Variants in MIPEP observed in about 807,000 individuals in gnomAD.
MIPEP encodes mitochondrial intermediate peptidase.
In MIPEP, 79 loss-of-function variants were observed where a neutral mutation model predicts 90.3. That is an observed-to-expected ratio of 0.87 (90% CI 0.73 to 1.05). The LOEUF is 1.05. MIPEP is among the 50% of genes least tolerant of loss of function. The probability of loss-of-function intolerance (pLI) is 0.00; values close to 1 mark genes in which losing one functional copy is unlikely to be tolerated. For synonymous variants in MIPEP, 334 were observed against 315.8 expected (o/e 1.06, Z -0.61); for missense variants, 940 against 905.6 (o/e 1.04, Z -0.49).
chr13:23,818,296 T>C (rs1468753143), intron 14 of MIPEP, among the ~76,000 whole-genome samples: 1 of 151,204 alleles, frequency 6.6e-6, no homozygotes, highest in Non-Finnish European at 1.5e-5. Context: ...GGCGGGTGCC[T>C]GTAATCCCAG....
intron 10 of MIPEP, among the ~76,000 whole-genome samples, chr13:23,851,814 C>A (rs1869812538): frequency 6.6e-6 from 1 of 152,142 alleles, no homozygotes; most frequent in South Asian, 2.1e-4. Flanking sequence ...CCCACCTGAG[C>A]CTCCAAGTCG....
Position 23,814,333 on chromosome 13 carries a change from T to C in MIPEP, c.1654-4409A>G, listed in dbSNP as rs1283136993. Among the ~76,000 whole-genome samples the C allele has an allele frequency of 5.9e-5, 9 of 152,324 alleles. No homozygotes were observed. In the East Asian group the frequency reaches 1.7e-3, roughly 29 times the overall value. ...GTGCAGTGGCACAATCTCGGCCCAC[T>C]GCAAGCTCCGCCTCCCAGGTCCATG... On this transcript the variant is annotated intron_variant, in intron 14 of 18. Coordinates refer to ENST00000382172, the MANE Select transcript of MIPEP (RefSeq NM_005932.4).
chr13:23,845,447 T>C (rs1009352036), intron 10 of MIPEP, among the ~76,000 whole-genome samples: 2 of 152,220 alleles, frequency 1.3e-5, no homozygotes, highest in Non-Finnish European at 2.9e-5. Context: ...AGTTTTATTA[T>C]TGATTTTAAC....
intron 14 of MIPEP, among the ~76,000 whole-genome samples, chr13:23,836,035 T>C (rs1233654817): frequency 6.6e-6 from 1 of 152,206 alleles, no homozygotes; most frequent in East Asian, 1.9e-4. Flanking sequence ...GTAGCTATTT[T>C]TCAACACATG....
At position 23,735,024 on chromosome 13, in the gene MIPEP, C is replaced by T. The variant is rs189995461; in HGVS notation, c.2045-4579G>A. On this transcript the variant is annotated intron_variant, in intron 18 of 18. Transcript: ENST00000382172. ...GATTCCTGTGGACTTCTTGCCCTTTCCCCACATTCCTGGATACATGGACAC... is the reference window on the plus strand; with the variant it reads ...GATTCCTGTGGACTTCTTGCCCTTTTCCCACATTCCTGGATACATGGACAC... Among the ~76,000 whole-genome samples the T allele has an allele frequency of 4.9e-3, 752 of 152,310 alleles. 7 individuals are homozygous for T. The highest frequency in any genetic ancestry group is 0.018 in the African/African-American group (736 of 41,570).
rs149124917 is a variant in MIPEP at position 23,811,134 on chromosome 13, C to T, written c.1654-1210G>A. Among the ~76,000 whole-genome samples the T allele has an allele frequency of 1.1e-3, 162 of 152,278 alleles. 1 individual carries two copies. The highest frequency in any genetic ancestry group is 3.5e-3 in the African/African-American group (146 of 41,552). ...GATTTATTTAAGTCATATCTGCCAA[C>T]AGATTGTGTCAAAATGTTCACGTTT... is the stretch of plus-strand genomic sequence containing the variant. On this transcript the variant is annotated intron_variant, in intron 14 of 18. Coordinates refer to ENST00000382172, the MANE Select transcript of MIPEP (RefSeq NM_005932.4).
chr13:23,802,170 G>A (rs184717300), intron 16 of MIPEP, among the ~76,000 whole-genome samples: 90 of 152,252 alleles, frequency 5.9e-4, no homozygotes, highest in African/African-American at 2.1e-3. Flanking sequence ...AATATTTTAG[G>A]AGTATTGTAA....
intron 18 of MIPEP, among the ~76,000 whole-genome samples, chr13:23,738,998 G>C (rs1952295315): frequency 6.6e-6 from 1 of 152,212 alleles, no homozygotes; most frequent in South Asian, 2.1e-4. Flanking sequence ...CTGAAAATGA[G>C]ATGTCGTTTC....
chr13:23,736,385 A>G (rs1225162589), intron 18 of MIPEP, among the ~76,000 whole-genome samples: 1 of 152,218 alleles, frequency 6.6e-6, no homozygotes, highest in Non-Finnish European at 1.5e-5. Context: ...TATAAAGAGT[A>G]GTTAAAGAGT....
At chr13:23,807,381 T>C (rs750859315) in intron 15 of MIPEP, among the ~76,000 whole-genome samples, 1 of 152,244 alleles carries the variant, frequency 6.6e-6, no homozygotes, top group African/African-American at 2.4e-5. Flanking sequence ...ATATGTATCT[T>C]TGTGATTCAG....
intron 18 of MIPEP, among the ~76,000 whole-genome samples, chr13:23,741,448 A>G (rs988127402): frequency 5.9e-5 from 9 of 152,176 alleles, no homozygotes; most frequent in Non-Finnish European, 1.2e-4. Context: ...CAGACTGGTT[A>G]AAGAAAATGT....
chr13:23,758,940 C>T (rs1273961332), intron 17 of MIPEP, among the ~76,000 whole-genome samples: 3 of 152,156 alleles, frequency 2.0e-5, no homozygotes, highest in African/African-American at 7.2e-5. Context: ...TCTTATAAAA[C>T]GTGCTGGTTT....
intron 10 of MIPEP, among the ~76,000 whole-genome samples, chr13:23,850,356 T>C (rs1443548617): frequency 6.6e-6 from 1 of 152,206 alleles, no homozygotes; most frequent in African/African-American, 2.4e-5. Flanking sequence ...TGAATGATAC[T>C]GGAAACCTGT....
intron 14 of MIPEP, among the ~76,000 whole-genome samples, chr13:23,816,618 C>G (rs897631920): frequency 1.3e-5 from 2 of 152,168 alleles, no homozygotes; most frequent in African/African-American, 4.8e-5. Context: ...AAGTCCCTGA[C>G]AGACAGTGAC....
chr13:23,883,796 T>TTAGGTGA (rs1418360704), intron 2 of MIPEP, among the ~76,000 whole-genome samples: 6 of 152,164 alleles, frequency 3.9e-5, no homozygotes, highest in African/African-American at 1.4e-4. Flanking sequence ...TGTGACACAA[T>TTAGGTGA]TAGGTGAACA....
chr13:23,851,085 T>C (rs1869782416), intron 10 of MIPEP, among the ~76,000 whole-genome samples: 1 of 152,234 alleles, frequency 6.6e-6, no homozygotes, highest in Non-Finnish European at 1.5e-5. Context: ...TTTGAATTAC[T>C]GAGTCCAGCA....
At chr13:23,866,280 A>C (rs1870529420) in intron 7 of MIPEP, among the ~76,000 whole-genome samples, 1 of 151,984 alleles carries the variant, frequency 6.6e-6, no homozygotes, top group South Asian at 2.1e-4. Context: ...AACCTCTATT[A>C]TTATTTATCT....
At chr13:23,757,244 T>A (rs1031482704) in intron 17 of MIPEP, among the ~76,000 whole-genome samples, 2 of 151,938 alleles carry the variant, frequency 1.3e-5, no homozygotes, top group African/African-American at 4.8e-5. Flanking sequence ...AAGGATCACA[T>A]GCGCAGTTCA....
At chr13:23,878,868 C>CT (rs1469606408) in intron 4 of MIPEP, among the ~76,000 whole-genome samples, 1 of 152,156 alleles carries the variant, frequency 6.6e-6, no homozygotes, top group African/African-American at 2.4e-5. Flanking sequence ...TATTAACTGT[C>CT]TACAGGAGTC....
Sources: gnomAD v4.1 joint callset for allele counts (sites outside exome capture counted in the v4.1 genomes callset) on GRCh38, gnomAD v4.1.1 for gene constraint, MANE v1.5 for transcripts, NCBI Gene and HGNC (gene_info 2026-07-23, HGNC 2026-07-21) for gene names.